Variants in MAGI1 observed in about 807,000 individuals in gnomAD.
The protein encoded by MAGI1 is membrane associated guanylate kinase, WW and PDZ domain containing 1.
MAGI1 carries 58 observed loss-of-function variants against 139.9 expected under a neutral mutation model. The observed-to-expected ratio is 0.41, with a 90% CI of 0.34 to 0.52. The LOEUF (loss-of-function observed/expected upper bound fraction) is 0.52. Ranked by LOEUF, MAGI1 falls within the 20% of genes least tolerant of loss-of-function variation. The pLI, the probability that MAGI1 is intolerant of heterozygous loss-of-function variation, is 0.12. For synonymous variants in MAGI1, 812 were observed against 737.9 expected (o/e 1.10, Z -1.63); for missense variants, 1,874 against 1,901.6 (o/e 0.99, Z 0.27).
At chr3:65,458,781 T>A (rs765438880) in intron 5 of MAGI1, among the ~76,000 whole-genome samples, 27 of 152,176 alleles carry the variant, frequency 1.8e-4, no homozygotes, top group Non-Finnish European at 3.7e-4. Context: ...TTTGTTTCCT[T>A]TTCTGTGCAG....
At chr3:65,500,260 T>G (rs1490576342) in intron 2 of MAGI1, among the ~76,000 whole-genome samples, 1 of 152,164 alleles carries the variant, frequency 6.6e-6, no homozygotes, top group Non-Finnish European at 1.5e-5. Context: ...TTTTTAAGTA[T>G]TTAAGTACCT....
chr3:65,406,854 G>C (rs1945382076), intron 12 of MAGI1, among the ~76,000 whole-genome samples: 1 of 152,062 alleles, frequency 6.6e-6, no homozygotes, highest in Admixed American at 6.6e-5. Context: ...AGGAGCTAGA[G>C]AGGGAGTCAT....
At chr3:65,953,288 C>T (rs1211871345) in intron 1 of MAGI1, among the ~76,000 whole-genome samples, 1 of 152,180 alleles carries the variant, frequency 6.6e-6, no homozygotes, top group Admixed American at 6.5e-5. Flanking sequence ...AGGCAGATTT[C>T]CAGACGAAAC....
At chr3:65,656,831 C>G (rs1359923636) in intron 1 of MAGI1, among the ~76,000 whole-genome samples, 1 of 151,812 alleles carries the variant, frequency 6.6e-6, no homozygotes, top group Non-Finnish European at 1.5e-5. Context: ...AACCCCGTCT[C>G]TACCAAAAAT....
intron 1 of MAGI1, among the ~76,000 whole-genome samples, chr3:65,646,960 AC>A (rs1195168865): frequency 1.3e-5 from 2 of 152,122 alleles, no homozygotes; most frequent in African/African-American, 4.8e-5. Context: ...CTCTCTTATC[AC>A]CTCAAGAACC....
chr3:66,034,268 G>A (rs1011695384), intron 1 of MAGI1, among the ~76,000 whole-genome samples: 2 of 151,946 alleles, frequency 1.3e-5, no homozygotes, highest in African/African-American at 2.4e-5. Flanking sequence ...ACTGGTCTGA[G>A]GACCTCACTT....
At chr3:65,977,494 T>C (rs1396621183) in intron 1 of MAGI1, among the ~76,000 whole-genome samples, 3 of 152,148 alleles carry the variant, frequency 2.0e-5, no homozygotes, top group Non-Finnish European at 2.9e-5. Flanking sequence ...GTGGATCACC[T>C]GAGGCCACAA....
intron 12 of MAGI1, among the ~76,000 whole-genome samples, chr3:65,415,095 T>C (rs995152573): frequency 2.0e-5 from 3 of 151,852 alleles, no homozygotes; most frequent in Non-Finnish European, 2.9e-5. Context: ...AAATCTTCAC[T>C]TCATGAAAAA....
At chr3:65,622,952 C>G (rs1559730030) in intron 1 of MAGI1, among the ~76,000 whole-genome samples, 1 of 152,132 alleles carries the variant, frequency 6.6e-6, no homozygotes. Flanking sequence ...CACAATTCAT[C>G]CATATAACAA....
chr3:65,733,158 A>C (rs1299742505), intron 1 of MAGI1, among the ~76,000 whole-genome samples: 1 of 152,116 alleles, frequency 6.6e-6, no homozygotes, highest in Non-Finnish European at 1.5e-5. Flanking sequence ...TCCTGGGTTC[A>C]AGCAATTCTC....
intron 1 of MAGI1, among the ~76,000 whole-genome samples, chr3:65,750,163 G>A (rs548455748): frequency 3.9e-5 from 6 of 152,140 alleles, no homozygotes; most frequent in South Asian, 2.1e-4. Context: ...AGATGGTCCC[G>A]TAATTGGCAA....
chr3:65,781,234 G>C (rs1426988452), intron 1 of MAGI1, among the ~76,000 whole-genome samples: 1 of 152,086 alleles, frequency 6.6e-6, no homozygotes, highest in Non-Finnish European at 1.5e-5. Flanking sequence ...TAAAAGTTCG[G>C]ATGGAAAACA....
At chr3:65,576,023 T>C (rs1433604173) in intron 2 of MAGI1, among the ~76,000 whole-genome samples, 1 of 152,192 alleles carries the variant, frequency 6.6e-6, no homozygotes, top group Admixed American at 6.5e-5. Flanking sequence ...TCAAGACTTA[T>C]CAAATCATAC....
chr3:65,816,187 TCAC>T (rs1420876664), intron 1 of MAGI1, among the ~76,000 whole-genome samples: 1 of 151,716 alleles, frequency 6.6e-6, no homozygotes, highest in Non-Finnish European at 1.5e-5. Flanking sequence ...TGGTTGGAAA[TCAC>T]CATCTAGAAG....
At chr3:65,648,458 T>TG (rs2085404628) in intron 1 of MAGI1, among the ~76,000 whole-genome samples, 1 of 152,204 alleles carries the variant, frequency 6.6e-6, no homozygotes, top group African/African-American at 2.4e-5. Flanking sequence ...TATGCCTATA[T>TG]ATTAGCAATG....
chr3:65,730,295 A>G (rs1340782500), intron 1 of MAGI1, among the ~76,000 whole-genome samples: 2 of 152,194 alleles, frequency 1.3e-5, no homozygotes, highest in Admixed American at 1.3e-4. Context: ...CAACAATGCT[A>G]TAAAAAAAAA....
At chr3:65,619,386 G>A (rs2083550622) in intron 2 of MAGI1, among the ~76,000 whole-genome samples, 1 of 152,142 alleles carries the variant, frequency 6.6e-6, no homozygotes, top group South Asian at 2.1e-4. Context: ...AATAACCTGA[G>A]AATGAAGGAG....
intron 3 of MAGI1, among the ~76,000 whole-genome samples, chr3:65,492,271 A>T (rs1337802974): frequency 2.0e-5 from 3 of 152,186 alleles, no homozygotes; most frequent in Admixed American, 2.0e-4. Context: ...AAGCTATAAT[A>T]CTGTTTTCAG....
Position 65,852,739 on chromosome 3 carries a change from G to T in MAGI1, c.313+185257C>A, listed in dbSNP as rs111334518. On this transcript the variant is annotated intron_variant, in intron 1 of 22. Transcript: ENST00000402939. ...GCTGGTCTCGAACTCCCGACCTCAG[G>T]TGATCTGCCCGCCTAGGCCTCCCAA... 5.2e-4 allele frequency among the ~76,000 whole-genome samples: 79 copies of T among 151,910 alleles called. 1 individual carries two copies. The South Asian group carries it at 7.3e-3, about 14-fold the overall frequency.
Sources: allele counts gnomAD v4.1 joint callset (sites outside exome capture counted in the v4.1 genomes callset), GRCh38; gene constraint gnomAD v4.1.1; transcripts MANE v1.5; gene names NCBI Gene and HGNC (gene_info 2026-07-23, HGNC 2026-07-21).